Variants in PRKCB observed in about 807,000 individuals in gnomAD.
The protein encoded by PRKCB is protein kinase C beta type.
A neutral mutation model predicts 81.5 loss-of-function variants in PRKCB; 13 were observed. The observed-to-expected ratio is 0.16, with a 90% CI of 0.10 to 0.25. The LOEUF is 0.25. PRKCB is among the 10% of genes least tolerant of loss of function. The probability of loss-of-function intolerance (pLI) is 1.00; values close to 1 mark genes in which losing one functional copy is unlikely to be tolerated. For synonymous variants in PRKCB, 335 were observed against 321.4 expected (o/e 1.04, Z -0.45); for missense variants, 509 against 875.7 (o/e 0.58, Z 5.29).
intron 9 of PRKCB, among the ~76,000 whole-genome samples, chr16:24,153,691 G>A (rs867864946): frequency 2.5e-4 from 38 of 152,184 alleles, no homozygotes; most frequent in African/African-American, 8.4e-4. Context: ...AAATACCGAT[G>A]TGTCTGTGAG....
At chr16:24,079,201 C>T (rs1005933156) in intron 5 of PRKCB, among the ~76,000 whole-genome samples, 10 of 152,152 alleles carry the variant, frequency 6.6e-5, no homozygotes, top group Admixed American at 6.5e-5. Context: ...TAATGATAAT[C>T]CCATCATCCT....
chr16:23,947,477 C>T (rs1454287957), intron 2 of PRKCB, among the ~76,000 whole-genome samples: 1 of 152,112 alleles, frequency 6.6e-6, no homozygotes, highest in Non-Finnish European at 1.5e-5. Flanking sequence ...GATTCAATTT[C>T]TTGATTTGCA....
chr16:24,214,734 T>G lies in PRKCB; in HGVS notation c.1940T>G (p.Val647Gly), dbSNP rs1390447438. The part of the protein sequence containing the change: ...PPVLTPPDQE[V>G]IRNIDQSEFE... ...GTCCTAACACCTCCCGACCAGGAAGTCATCAGGAATATTGACCAATCAGAA... is the reference window on the plus strand; with the variant it reads ...GTCCTAACACCTCCCGACCAGGAAGGCATCAGGAATATTGACCAATCAGAA... The change falls in exon 17 of 17, where the codon GTC becomes GGC. Residue 647 changes from valine to glycine, a missense_variant. Coordinates refer to ENST00000643927, the MANE Select transcript of PRKCB (RefSeq NM_002738.7). 6.2e-7 allele frequency: 1 copy of G among 1,614,076 alleles called. No individual in the cohort carries two copies. Among genetic ancestry groups the G allele is most frequent in the Non-Finnish European group, 8.5e-7 (1 of 1,180,050 alleles).
At chr16:23,890,865 G>A (rs1225733578) in intron 2 of PRKCB, among the ~76,000 whole-genome samples, 2 of 151,974 alleles carry the variant, frequency 1.3e-5, no homozygotes, top group African/African-American at 4.8e-5. Flanking sequence ...TTGTTTAAAA[G>A]CTCACCTGTA....
chr16:24,217,552 T>C lies in PRKCB; in HGVS notation c.*2736T>C, dbSNP rs1968247979. ...GCTTATTCTCTCCCAACTTCTACGG[T>C]AAAATCCAGGAGTATTTTCTCTGGG... On this transcript the variant is annotated 3_prime_UTR_variant, in exon 17 of 17. Coordinates refer to ENST00000643927, the MANE Select transcript of PRKCB (RefSeq NM_002738.7). 1.0e-6 allele frequency: 1 copy of C among 985,342 alleles called. No homozygotes were observed. Among genetic ancestry groups the C allele is most frequent in the Non-Finnish European group, 1.2e-6 (1 of 829,960 alleles). 61.0% of individuals were successfully genotyped at this position (985,342 alleles called of 1,614,324 possible). A position where few individuals can be genotyped will look rare whatever the true frequency, so the allele number is the denominator to read the frequency against.
At chr16:24,000,954 C>A (rs1206590228) in intron 3 of PRKCB, among the ~76,000 whole-genome samples, 2 of 150,164 alleles carry the variant, frequency 1.3e-5, no homozygotes, top group Non-Finnish European at 3.0e-5. Context: ...CAGTTTATGT[C>A]TTTAAAATAG....
rs1207665003 is a variant in PRKCB, at chr16:24,021,028, CTTTCTTTCTTTCTCTT to C, written c.289-11106_289-11091del. Among the ~76,000 whole-genome samples, 4 of 140,328 alleles carry C rather than the reference CTTTCTTTCTTTCTCTT, an allele frequency of 2.9e-5. 1 individual carries two copies. Among genetic ancestry groups the C allele is most frequent in the African/African-American group, 1.1e-4 (4 of 35,770 alleles). 92.1% of individuals were successfully genotyped at this position (140,328 alleles called of 152,430 possible). ...TCTTTCTTTCTTTCTTTCTTTCTTT[CTTTCTTTCTTTCTCTT>C]TCTTTCTTTCTTTCCCTCCCTCCCT... On this transcript the variant is annotated intron_variant, in intron 3 of 16. Coordinates refer to ENST00000643927, the MANE Select transcript of PRKCB (RefSeq NM_002738.7).
intron 9 of PRKCB, among the ~76,000 whole-genome samples, chr16:24,126,137 C>T (rs549774185): frequency 1.3e-5 from 2 of 152,076 alleles, no homozygotes; most frequent in South Asian, 4.2e-4. Flanking sequence ...ATGTTGAATA[C>T]ATGAATGAAA....
At chr16:23,937,408 A>G (rs944353157) in intron 2 of PRKCB, among the ~76,000 whole-genome samples, 7 of 152,322 alleles carry the variant, frequency 4.6e-5, no homozygotes, top group Admixed American at 2.6e-4. Flanking sequence ...TTGCAAGCTC[A>G]ATAATGCCAA....
chr16:24,179,318 G>A (rs1005796023), intron 12 of PRKCB, among the ~76,000 whole-genome samples: 1 of 152,102 alleles, frequency 6.6e-6, no homozygotes, highest in African/African-American at 2.4e-5. Flanking sequence ...ATTGAAGGAG[G>A]GTGGTTCTTC....
chr16:23,852,781 A>G (rs1962496797), intron 2 of PRKCB, among the ~76,000 whole-genome samples: 1 of 152,110 alleles, frequency 6.6e-6, no homozygotes, highest in South Asian at 2.1e-4. Context: ...AACCTCTATC[A>G]CCTATGATTA....
At chr16:23,900,815 C>A (rs10775269) in intron 2 of PRKCB, among the ~76,000 whole-genome samples, 80,565 of 144,084 alleles carry the variant, frequency 0.56, 22,256 homozygotes, top group Admixed American at 0.66. Flanking sequence ...GCATAACAAA[C>A]AGTGCTGGAG....
At position 24,113,057 on chromosome 16, in the gene PRKCB, G is replaced by A. The variant is rs115598469; in HGVS notation, c.906G>A (p.Arg302=). The A allele has an allele frequency of 5.0e-5, 80 of 1,610,416 alleles. No homozygotes were observed. The East Asian group carries it at 1.5e-3, about 29-fold the overall frequency. ...PEGSEANEEL[R]QKFERAKISQ... is the part of the protein sequence containing the mutation. ...GAAGTGAGGCCAATGAAGAACTGCG[G>A]CAGAAATTTGAGGTGAGGTTTCTTT... The change falls in exon 8 of 17, where the codon CGG becomes CGA. Residue 302 remains arginine (R), a synonymous_variant. Coordinates refer to ENST00000643927, the MANE Select transcript of PRKCB (RefSeq NM_002738.7).
chr16:24,040,380 C>T (rs1965683748), intron 5 of PRKCB, among the ~76,000 whole-genome samples: 1 of 152,194 alleles, frequency 6.6e-6, no homozygotes, highest in Non-Finnish European at 1.5e-5. Context: ...TTGCCATCTT[C>T]TCTTTTTCTA....
At chr16:24,000,056 T>A (rs1204034864) in intron 3 of PRKCB, among the ~76,000 whole-genome samples, 2 of 152,220 alleles carry the variant, frequency 1.3e-5, no homozygotes, top group African/African-American at 4.8e-5. Flanking sequence ...TCCCAACACT[T>A]TTTAAGCCTT....
chr16:24,114,213 G>A (rs1222862603), intron 8 of PRKCB, among the ~76,000 whole-genome samples: 1 of 143,958 alleles, frequency 6.9e-6, no homozygotes, highest in African/African-American at 2.6e-5. Flanking sequence ...AGGCTGCAGT[G>A]CAATGGTGCG....
At chr16:24,103,937 C>T (rs529751893) in intron 7 of PRKCB, among the ~76,000 whole-genome samples, 1 of 152,318 alleles carries the variant, frequency 6.6e-6, no homozygotes, top group Admixed American at 6.5e-5. Flanking sequence ...TCCTGAATAG[C>T]TGGGATTACA....
intron 5 of PRKCB, among the ~76,000 whole-genome samples, chr16:24,041,526 C>CTTT (rs34651479): frequency 6.8e-6 from 1 of 147,788 alleles, no homozygotes; most frequent in African/African-American, 2.5e-5. Context: ...CAGAAAGAAC[C>CTTT]TTTTTTTTTT....
At chr16:23,981,026 A>T (rs1483850116) in intron 2 of PRKCB, among the ~76,000 whole-genome samples, 1 of 151,942 alleles carries the variant, frequency 6.6e-6, no homozygotes, top group Non-Finnish European at 1.5e-5. Context: ...GGCGTTTCTT[A>T]TCCTTGCTGA....
Sources: allele counts gnomAD v4.1 joint callset (sites outside exome capture counted in the v4.1 genomes callset), GRCh38; gene constraint gnomAD v4.1.1; transcripts MANE v1.5; gene names NCBI Gene and HGNC (gene_info 2026-07-23, HGNC 2026-07-21).